Variants in LRRC74A observed in about 807,000 individuals in gnomAD.
The protein encoded by LRRC74A is leucine-rich repeat-containing protein 74A.
A neutral mutation model predicts 57.9 loss-of-function variants in LRRC74A; 44 were observed. That is an observed-to-expected ratio of 0.76 (90% confidence interval 0.60 to 0.98). The LOEUF (loss-of-function observed/expected upper bound fraction) is 0.98, where lower values mean the gene tolerates loss of function less well. Ranked by LOEUF, LRRC74A falls within the 50% of genes least tolerant of loss-of-function variation. The pLI, the probability that LRRC74A is intolerant of heterozygous loss-of-function variation, is 0.00. For missense variants in LRRC74A, 572 were observed against 574.0 expected, an observed-to-expected ratio of 1.00 and a Z score of 0.04; for synonymous variants, 211 against 219.4, an observed-to-expected ratio of 0.96 and a Z score of 0.34.
Position 76,864,554 on chromosome 14 carries a change from A to C in LRRC74A, c.1201-1414A>C, listed in dbSNP as rs186182862. On this transcript the variant is annotated intron_variant, in intron 11 of 13. Transcript: ENST00000689127. Reference sequence around the variant, plus strand: ...AAAATACTTAAAAAGGACCAAAAAGAATATTGTAATATTGTAAGGCCGGAT... The same window carrying C: ...AAAATACTTAAAAAGGACCAAAAAGCATATTGTAATATTGTAAGGCCGGAT... Among the ~76,000 whole-genome samples, 211 of 152,236 alleles carry C rather than the reference A, an allele frequency of 1.4e-3. 1 individual carries two copies. Among genetic ancestry groups the C allele is most frequent in the African/African-American group, 4.8e-3 (200 of 41,538 alleles).
chr14:76,829,779 G>A (rs1269101031), intron 2 of LRRC74A, among the ~76,000 whole-genome samples: 2 of 152,314 alleles, frequency 1.3e-5, no homozygotes, highest in Non-Finnish European at 2.9e-5. Flanking sequence ...AGCAGCCCTG[G>A]CTCCTGGTGC....
chr14:76,826,465 A>G lies in LRRC74A; in HGVS notation c.-233A>G. 1 of 1,489,268 alleles carries G rather than the reference A, an allele frequency of 6.7e-7. No homozygotes were observed. The highest frequency in any genetic ancestry group is 9.1e-7 in the Non-Finnish European group (1 of 1,097,214). 92.3% of individuals were successfully genotyped at this position (1,489,268 alleles called of 1,614,324 possible). A position where few individuals can be genotyped will look rare whatever the true frequency, so the allele number is the denominator to read the frequency against. On this transcript the variant is annotated 5_prime_UTR_variant, in exon 1 of 14. Coordinates refer to ENST00000689127, the MANE Select transcript of LRRC74A (RefSeq NM_001385106.1). ...TCCCAGATGAGCTGGAGAAGTAGCT[A>G]CCTCTCCCAGACAGAGTTGGGGTCA...
At chr14:76,829,353 A>T (rs1164567823) in intron 2 of LRRC74A, among the ~76,000 whole-genome samples, 5 of 152,116 alleles carry the variant, frequency 3.3e-5, no homozygotes, top group African/African-American at 7.2e-5. Flanking sequence ...AACATACAAC[A>T]TACATCTTCA....
Position 76,866,023 on chromosome 14 carries a change from C to T in LRRC74A, c.1256C>T (p.Pro419Leu), listed in dbSNP as rs763746232. Residue 419 changes from proline to leucine, a missense_variant, in exon 12 of 14, where the codon CCC (proline) becomes CTC (leucine). Transcript: ENST00000689127. The stretch of plus-strand genomic sequence containing the variant: ...GTGGACTTCTTCAAGAGCTTGAACC[C>T]CACTGGGACAATGAAGATGTCTGTG... Reference protein sequence around the residue: ...TIVDFFKSLNPTGTMKMSVDE... With the variant: ...TIVDFFKSLNLTGTMKMSVDE... The T allele has an allele frequency of 6.2e-7, 1 of 1,603,846 alleles. No individual in the cohort carries two copies. The highest frequency in any genetic ancestry group is 2.2e-5 in the East Asian group (1 of 44,786).
At chr14:76,852,519 C>T (rs1234655248) in intron 8 of LRRC74A, 69 bp downstream of exon 8, 1 of 1,214,812 alleles carries the variant, frequency 8.2e-7, no homozygotes, top group African/African-American at 1.5e-5. Context: ...ATCCTGCCAT[C>T]CTAAGCCTCT....
intron 13 of LRRC74A, among the ~76,000 whole-genome samples, chr14:76,869,305 C>T (rs1006414037): frequency 2.6e-5 from 4 of 152,316 alleles, no homozygotes; most frequent in African/African-American, 4.8e-5. Context: ...TGAGTCTCAG[C>T]GCCTGAGCAG....
chr14:76,836,528 G>A (rs1020616766), intron 4 of LRRC74A, among the ~76,000 whole-genome samples: 6 of 152,180 alleles, frequency 3.9e-5, no homozygotes, highest in African/African-American at 7.2e-5. Flanking sequence ...GGCTGGGCGC[G>A]GTGGCTCACA....
At chr14:76,827,805 AC>A (rs773649735) in intron 1 of LRRC74A, among the ~76,000 whole-genome samples, 5 of 152,156 alleles carry the variant, frequency 3.3e-5, no homozygotes, top group Non-Finnish European at 7.4e-5. Flanking sequence ...GCTCTCTGGA[AC>A]TGCTCCTGGT....
intron 3 of LRRC74A, among the ~76,000 whole-genome samples, chr14:76,832,212 A>G (rs1055881930): frequency 6.6e-5 from 10 of 152,204 alleles, no homozygotes; most frequent in African/African-American, 2.4e-4. Flanking sequence ...ATACACTGAA[A>G]CAGCAGAGTT....
rs184541455 is a variant in LRRC74A at position 76,862,515 on chromosome 14, C to T, written c.1200+1676C>T. ...TTATGCCACTGCACTCCAGCCTGGG[C>T]AACAGAGCGAGACTCTGTCTCAAAA... On this transcript the variant is annotated intron_variant, in intron 11 of 13. Coordinates refer to ENST00000689127, the MANE Select transcript of LRRC74A (RefSeq NM_001385106.1). Among the ~76,000 whole-genome samples the T allele has an allele frequency of 2.1e-5, 3 of 145,078 alleles. No homozygotes were observed. In the East Asian group the frequency reaches 6.1e-4, roughly 29 times the overall value.
At chr14:76,860,654 T>C in intron 10 of LRRC74A, 39 bp from the exon 11 acceptor site, 1 of 1,558,964 alleles carries the variant, frequency 6.4e-7, no homozygotes, top group African/African-American at 1.4e-5. Context: ...ACGATGGCAG[T>C]GCCCTCATCA....
rs745996119 is a variant in LRRC74A at position 76,853,274 on chromosome 14, C to T, written c.821C>T (p.Ala274Val). 10 of 1,613,632 alleles carry T rather than the reference C, an allele frequency of 6.2e-6. No homozygotes were observed. The highest frequency in any genetic ancestry group is 2.2e-5 in the East Asian group (1 of 44,870). ...LSMNGFGNEV[A>V]LALGEVLRLN... ...ATGAATGGCTTTGGGAATGAGGTGG[C>T]TCTGGCCCTAGGGGAAGTCCTCCGA... The change falls in exon 9 of 14, where the codon GCT becomes GTT. Residue 274 changes from alanine to valine, a missense_variant. Coordinates refer to ENST00000689127, the MANE Select transcript of LRRC74A (RefSeq NM_001385106.1).
intron 3 of LRRC74A, among the ~76,000 whole-genome samples, chr14:76,834,277 C>T (rs1896168533): frequency 6.6e-6 from 1 of 152,210 alleles, no homozygotes; most frequent in Non-Finnish European, 1.5e-5. Flanking sequence ...GTTAGGAACG[C>T]ACCATTACCT....
chr14:76,832,811 A>G, intron 3 of LRRC74A, among the ~76,000 whole-genome samples: 1 of 145,502 alleles, frequency 6.9e-6, no homozygotes, highest in Admixed American at 6.7e-5. Context: ...ACATTTCACA[A>G]TGCTGCAATG....
At position 76,870,137 on chromosome 14, in the gene LRRC74A, G is replaced by A. The variant is rs148780367; in HGVS notation, c.1404G>A (p.Thr468=). The change falls in exon 14 of 14, where the codon ACG becomes ACA. Residue 468 remains threonine (T), a synonymous_variant. Coordinates refer to ENST00000689127, the MANE Select transcript of LRRC74A (RefSeq NM_001385106.1). ...CCTTTCGTACCAGTTTCTTGAACAC[G>A]ATGAAGCCATAGCAACAAGTCTGGT... The part of the protein sequence containing the change: ...TGMVNFSFLN[T]MKP 477 of 1,611,540 alleles carry A rather than the reference G, an allele frequency of 3.0e-4. 2 individuals are homozygous for A. The Admixed American group carries it at 6.7e-3, about 23-fold the overall frequency.
chr14:76,856,327 C>T (rs190865403), intron 9 of LRRC74A, among the ~76,000 whole-genome samples: 2 of 152,202 alleles, frequency 1.3e-5, no homozygotes, highest in Non-Finnish European at 2.9e-5. Flanking sequence ...CCTGCAGTAC[C>T]CAGGTGTACC....
intron 8 of LRRC74A, 46 bp downstream of exon 8, chr14:76,852,496 G>A (rs1360988634): frequency 4.9e-6 from 7 of 1,434,512 alleles, no homozygotes; most frequent in South Asian, 1.2e-5. Context: ...GTTGAGGACA[G>A]CCAGGGCCTC....
Position 76,826,600 on chromosome 14 carries a change from G to C in LRRC74A, c.-98G>C. The C allele has an allele frequency of 6.2e-7, 1 of 1,612,832 alleles. No individual in the cohort carries two copies. The highest frequency in any genetic ancestry group is 2.2e-5 in the East Asian group (1 of 44,864). ...TGCCCCCAGGTGAGGGAAGTTCACA[G>C]AGTTTGAGACAGAGGTGAATGGACA... On this transcript the variant is annotated 5_prime_UTR_variant, in exon 1 of 14. Transcript: ENST00000689127.
At chr14:76,868,873 T>C (rs1346649327) in intron 13 of LRRC74A, among the ~76,000 whole-genome samples, 5 of 152,228 alleles carry the variant, frequency 3.3e-5, no homozygotes, top group Non-Finnish European at 1.5e-5. Context: ...CTCCTCTCCC[T>C]TTAAAATGAG....
Sources: allele counts gnomAD v4.1 joint callset (sites outside exome capture counted in the v4.1 genomes callset), GRCh38; gene constraint gnomAD v4.1.1; transcripts MANE v1.5; gene names NCBI Gene and HGNC (gene_info 2026-07-23, HGNC 2026-07-21).